AK9: variants seen among roughly 807,000 people sequenced by gnomAD.
AK9 encodes adenylate kinase 9.
In AK9, 191 loss-of-function variants were observed where a neutral mutation model predicts 239.6. The ratio of observed to expected loss-of-function variants is 0.80; its 90% CI spans 0.71 to 0.90. AK9 has a LOEUF of 0.90. AK9 is among the 40% of genes least tolerant of loss of function. The pLI, the probability that AK9 is intolerant of heterozygous loss-of-function variation, is 0.00. For missense variants in AK9, 1,995 were observed against 2,214.7 expected, an observed-to-expected ratio of 0.90 and a Z score of 1.99; for synonymous variants, 689 against 721.0, an observed-to-expected ratio of 0.96 and a Z score of 0.71.
At chr6:109,576,565 G>C (rs1175643293) in intron 20 of AK9, among the ~76,000 whole-genome samples, 1 of 151,480 alleles carries the variant, frequency 6.6e-6, no homozygotes, top group Non-Finnish European at 1.5e-5. Flanking sequence ...TCATTTATCA[G>C]ATCTAGGAGC....
intron 10 of AK9, among the ~76,000 whole-genome samples, chr6:109,636,783 C>CACACACACACACACAA (rs1554278039): frequency 1.4e-5 from 2 of 145,004 alleles, no homozygotes; most frequent in Admixed American, 7.0e-5. Flanking sequence ...CACACACACA[C>CACACACACACACACAA]CACATTTTAT....
At chr6:109,515,758 C>G (rs895098963) in intron 31 of AK9, 99 bp downstream of exon 31, 1 of 1,119,736 alleles carries the variant, frequency 8.9e-7, no homozygotes, top group African/African-American at 1.6e-5. Flanking sequence ...ACAATACTTA[C>G]AATTTTTGAA....
At chr6:109,541,560 GC>G (rs1782888618) in intron 27 of AK9, among the ~76,000 whole-genome samples, 1 of 152,078 alleles carries the variant, frequency 6.6e-6, no homozygotes, top group Non-Finnish European at 1.5e-5. Flanking sequence ...ACAGGCATGT[GC>G]CACCACACCC....
intron 9 of AK9, among the ~76,000 whole-genome samples, chr6:109,641,900 TC>T (rs1430225143): frequency 1.3e-5 from 2 of 152,178 alleles, no homozygotes; most frequent in African/African-American, 4.8e-5. Flanking sequence ...AAGGTCACAT[TC>T]ATAGGTATTG....
Position 109,497,572 on chromosome 6 carries a change from C to G in AK9, c.5217-9G>C. 1 of 1,553,506 alleles carries G rather than the reference C, an allele frequency of 6.4e-7. No homozygotes were observed. Among genetic ancestry groups the G allele is most frequent in the Non-Finnish European group, 8.8e-7 (1 of 1,136,322 alleles). ...GTACTAGAGCTTCATATCTGGAAGA[C>G]CAAAAAACAAAACAAAACCTCTATT... is the stretch of plus-strand genomic sequence containing the variant. On this transcript the variant is annotated splice_polypyrimidine_tract_variant and intron_variant, in intron 37 of 40. Coordinates refer to ENST00000424296, the MANE Select transcript of AK9 (RefSeq NM_001145128.3).
At chr6:109,662,428 C>A in intron 6 of AK9, 123 bp downstream of exon 6, 1 of 782,022 alleles carries the variant, frequency 1.3e-6, no homozygotes, top group Non-Finnish European at 1.7e-6. Flanking sequence ...TGACTCAGTT[C>A]CTGTGATTGA....
At chr6:109,607,768 GGTGTGT>G (rs10648225) in intron 17 of AK9, among the ~76,000 whole-genome samples, 31 of 145,486 alleles carry the variant, frequency 2.1e-4, no homozygotes, top group African/African-American at 5.4e-4. Context: ...CCAGCAGAGG[GGTGTGT>G]GTGTGTGTGT....
At chr6:109,686,896 T>C (rs1002864805) in intron 1 of AK9, among the ~76,000 whole-genome samples, 1 of 152,144 alleles carries the variant, frequency 6.6e-6, no homozygotes, top group African/African-American at 2.4e-5. Flanking sequence ...AATGGAACAA[T>C]GGGATCAGGC....
chr6:109,665,355 C>T (rs1486521108), intron 5 of AK9, among the ~76,000 whole-genome samples: 1 of 152,184 alleles, frequency 6.6e-6, no homozygotes, highest in African/African-American at 2.4e-5. Flanking sequence ...ATCCCCAAGG[C>T]ATCTATCCTA....
chr6:109,642,212 G>C (rs569337871), intron 9 of AK9, among the ~76,000 whole-genome samples: 17 of 152,164 alleles, frequency 1.1e-4, no homozygotes, highest in African/African-American at 3.9e-4. Flanking sequence ...AACTGTGAGA[G>C]AATAAATATC....
In AK9 at chr6:109,497,865, T is replaced by C; in HGVS notation, c.5147A>G (p.Lys1716Arg). Residue 1716 changes from lysine to arginine, a missense_variant, in exon 37 of 41, where the codon AAG becomes AGG. Physicochemically the swap from Lys to Arg is conservative, Grantham distance 26. This residue lies in a region of AK9 where 391 missense variants were observed against 456.0 expected (regional missense o/e 0.86). Transcript: ENST00000424296. ...CTCCGCACACTTAGGGAATCGACTC[T>C]TCAGCTCTGACAGTGTCAGTCTTTT... ...IPKRLTLSEL[K>R]SRFPKCAELQ... The C allele has an allele frequency of 6.2e-7, 1 of 1,614,006 alleles. No individual in the cohort carries two copies. Among genetic ancestry groups the C allele is most frequent in the Non-Finnish European group, 8.5e-7 (1 of 1,179,902 alleles).
At chr6:109,656,730 T>G (rs777657720) in intron 8 of AK9, 26 bp downstream of exon 8, 1 of 1,549,228 alleles carries the variant, frequency 6.5e-7, no homozygotes, top group African/African-American at 1.4e-5. Context: ...TCAATATTCA[T>G]TTTCAGCAAT....
intron 32 of AK9, among the ~76,000 whole-genome samples, chr6:109,512,925 A>C (rs1778902151): frequency 6.6e-6 from 1 of 152,224 alleles, no homozygotes; most frequent in Non-Finnish European, 1.5e-5. Context: ...GTACAGTGGC[A>C]CAATCATGGC....
intron 24 of AK9, among the ~76,000 whole-genome samples, chr6:109,561,550 G>GTGA (rs1171995097): frequency 5.3e-5 from 8 of 151,068 alleles, no homozygotes; most frequent in African/African-American, 1.9e-4. Flanking sequence ...CTGAGCTGAA[G>GTGA]TGATGTGCCT....
chr6:109,632,054 T>C (rs1156513756), intron 12 of AK9: 3 of 621,096 alleles, frequency 4.8e-6, no homozygotes, highest in East Asian at 1.4e-4. Context: ...AGAAGAAACA[T>C]GAGAGGGCGT....
At chr6:109,631,537 T>C (rs916966595) in intron 12 of AK9, among the ~76,000 whole-genome samples, 13 of 152,150 alleles carry the variant, frequency 8.5e-5, no homozygotes, top group African/African-American at 3.1e-4. Flanking sequence ...ATAGTAAGAG[T>C]TGACAGGAAT....
At chr6:109,546,454 A>G (rs1169538833) in intron 25 of AK9, among the ~76,000 whole-genome samples, 1 of 152,236 alleles carries the variant, frequency 6.6e-6, no homozygotes, top group African/African-American at 2.4e-5. Context: ...TACTTTCTTA[A>G]CATAATAAAA....
At chr6:109,640,149 A>T (rs1035982091) in intron 10 of AK9, among the ~76,000 whole-genome samples, 4 of 152,118 alleles carry the variant, frequency 2.6e-5, no homozygotes, top group African/African-American at 9.7e-5. Flanking sequence ...TTGGTTCCAT[A>T]TGAACCAAAA....
intron 18 of AK9, 126 bp from the exon 19 acceptor site, chr6:109,585,363 T>C: frequency 3.0e-6 from 1 of 337,310 alleles, no homozygotes; most frequent in Non-Finnish European, 4.6e-6. Flanking sequence ...TAAGCATGTA[T>C]CTAAATAGAG....
Sources: gnomAD v4.1 joint callset for allele counts (sites outside exome capture counted in the v4.1 genomes callset) on GRCh38, gnomAD v4.1.1 for gene constraint, gnomAD v4.1.1 regional missense constraint, MANE v1.5 for transcripts, NCBI Gene and HGNC (gene_info 2026-07-23, HGNC 2026-07-21) for gene names.